Variants in RIC3 observed in about 807,000 individuals in gnomAD.
RIC3 encodes protein RIC-3.
RIC3 carries 28 observed loss-of-function variants against 27.3 expected under a neutral mutation model. That is an observed-to-expected ratio of 1.02 (90% CI 0.76 to 1.41). RIC3 has a LOEUF of 1.41. Ranked by LOEUF, RIC3 falls within the 40% of genes most tolerant of loss-of-function variation. RIC3 has a pLI of 0.00. For synonymous variants in RIC3, 184 were observed against 160.4 expected (o/e 1.15, Z -1.11); for missense variants, 501 against 444.7 (o/e 1.13, Z -1.14).
Position 8,106,077 on chromosome 11 carries a change from T to C in RIC3, c.*4621A>G, listed in dbSNP as rs1417920108. The C allele has an allele frequency of 1.3e-5, 2 of 152,228 alleles. No individual in the cohort carries two copies. The highest frequency in any genetic ancestry group is 2.9e-5 in the Non-Finnish European group (2 of 68,040). The allele number at this position is 152,228 out of a possible 1,614,324, so 9.4% of individuals were successfully genotyped here. A position where few individuals can be genotyped will look rare whatever the true frequency, so the allele number is the denominator to read the frequency against. On this transcript the variant is annotated 3_prime_UTR_variant, in exon 6 of 6. Transcript: ENST00000309737. The stretch of plus-strand genomic sequence containing the variant: ...CAAATTTGCAAAACTGTGCTTTTAT[T>C]GACTTTTTGAATAAACTTTGGTATT...
At chr11:8,120,526 G>A (rs771555034) in intron 5 of RIC3, among the ~76,000 whole-genome samples, 3 of 152,090 alleles carry the variant, frequency 2.0e-5, no homozygotes, top group South Asian at 2.1e-4. Context: ...GGGACCTGTC[G>A]GAGGATGGAG....
At chr11:8,159,854 C>T (rs1221512015) in intron 1 of RIC3, among the ~76,000 whole-genome samples, 2 of 151,800 alleles carry the variant, frequency 1.3e-5, no homozygotes, top group East Asian at 1.9e-4. Context: ...ATTAGCCAGG[C>T]GTGGTGGTGG....
At chr11:8,096,914 C>T in the RIC3 span, 1 of 1,339,912 alleles carries the variant, frequency 7.5e-7, no homozygotes, top group Non-Finnish European at 1.1e-6. Flanking sequence ...AGCTTCTCTG[C>T]TGGCCTCTTA....
intron 1 of RIC3, among the ~76,000 whole-genome samples, chr11:8,166,950 G>A (rs182585062): frequency 5.0e-4 from 76 of 151,798 alleles, no homozygotes; most frequent in Middle Eastern, 3.4e-3. Flanking sequence ...AGGGAGGAAG[G>A]AGAGAGAAAG....
chr11:8,131,106 A>AC (rs1947639518), intron 4 of RIC3, among the ~76,000 whole-genome samples: 1 of 132,922 alleles, frequency 7.5e-6, no homozygotes, highest in African/African-American at 3.2e-5. Flanking sequence ...GCATTCATTC[A>AC]TTCACTCACT....
rs1950464008 is a variant in RIC3 at position 8,154,042 on chromosome 11, C to T, written c.125-13849G>A. Among the ~76,000 whole-genome samples the T allele has an allele frequency of 2.0e-5, 3 of 152,032 alleles. No individual in the cohort carries two copies. In the South Asian group the frequency reaches 6.2e-4, roughly 32 times the overall value. On this transcript the variant is annotated intron_variant, in intron 1 of 5. Transcript: ENST00000309737. ...ACCATGTTTCTTAAAACTGAATAGC[C>T]CAGAATCTATAAAAAGTCAATGATT...
chr11:8,125,884 C>T (rs1356415273), intron 5 of RIC3, among the ~76,000 whole-genome samples: 1 of 152,048 alleles, frequency 6.6e-6, no homozygotes, highest in Non-Finnish European at 1.5e-5. Flanking sequence ...ACTAAAAATA[C>T]AAAAATTATT....
At chr11:8,138,177 G>T in intron 3 of RIC3, 95 bp downstream of exon 3, 2 of 835,752 alleles carry the variant, frequency 2.4e-6, no homozygotes, top group Non-Finnish European at 3.8e-6. Context: ...CAACTTTTGA[G>T]AAATGCTTTT....
chr11:8,163,244 C>T (rs964810236), intron 1 of RIC3, among the ~76,000 whole-genome samples: 1 of 151,576 alleles, frequency 6.6e-6, no homozygotes, highest in African/African-American at 2.4e-5. Context: ...AATTCAATAC[C>T]CCTTCATAAT....
At chr11:8,113,411 T>C (rs1945484750) in intron 5 of RIC3, among the ~76,000 whole-genome samples, 1 of 152,118 alleles carries the variant, frequency 6.6e-6, no homozygotes, top group Non-Finnish European at 1.5e-5. Flanking sequence ...GCCTCCATGC[T>C]GGCCCCTGCA....
At chr11:8,121,679 G>C (rs1321108049) in intron 5 of RIC3, among the ~76,000 whole-genome samples, 1 of 151,820 alleles carries the variant, frequency 6.6e-6, no homozygotes, top group Non-Finnish European at 1.5e-5. Context: ...TCAAGCTACA[G>C]CACTCCAACT....
At chr11:8,100,652 A>T in the RIC3 span, 2 of 1,581,616 alleles carry the variant, frequency 1.3e-6, no homozygotes, top group Non-Finnish European at 1.7e-6. Flanking sequence ...TAGTCTCTGC[A>T]TGAGCTTCTA....
chr11:8,159,742 G>A (rs1394654048), intron 1 of RIC3, among the ~76,000 whole-genome samples: 2 of 152,168 alleles, frequency 1.3e-5, no homozygotes, highest in Admixed American at 6.5e-5. Flanking sequence ...TGTAACTCCA[G>A]CACTCTGGGA....
At chr11:8,094,338 G>A in the RIC3 span, 2 of 1,075,686 alleles carry the variant, frequency 1.9e-6, no homozygotes, top group South Asian at 1.7e-5. Flanking sequence ...CCCCTCAGGT[G>A]GCTCACAGGC....
chr11:8,100,876 C>T, the RIC3 span: 1 of 1,614,172 alleles, frequency 6.2e-7, no homozygotes, highest in Non-Finnish European at 8.5e-7. Flanking sequence ...CGGAGAGTAT[C>T]ATCGAGCTGC....
At chr11:8,105,145 T>C (rs1430310464), downstream of RIC3, 9 of 152,220 alleles carry the variant, frequency 5.9e-5, no homozygotes, top group African/African-American at 2.2e-4. Context: ...ATCTCCTAGA[T>C]GGACTTCCTG....
intron 5 of RIC3, among the ~76,000 whole-genome samples, chr11:8,118,384 G>C (rs1409649996): frequency 2.6e-5 from 4 of 151,594 alleles, no homozygotes; most frequent in Non-Finnish European, 5.9e-5. Context: ...AGGAGATAAA[G>C]GCGTTAACAT....
chr11:8,098,691 C>A, the RIC3 span: 2 of 1,237,156 alleles, frequency 1.6e-6, no homozygotes, highest in Non-Finnish European at 2.4e-6. Flanking sequence ...ATAGGACAGA[C>A]GATGAGCTGT....
At chr11:8,125,148 G>A (rs1338838709) in intron 5 of RIC3, among the ~76,000 whole-genome samples, 1 of 151,964 alleles carries the variant, frequency 6.6e-6, no homozygotes, top group Non-Finnish European at 1.5e-5. Context: ...CAGCTACTAG[G>A]GAGGCTGAGG....
Sources: allele counts gnomAD v4.1 joint callset (sites outside exome capture counted in the v4.1 genomes callset), GRCh38; gene constraint gnomAD v4.1.1; transcripts MANE v1.5; gene names NCBI Gene and HGNC (gene_info 2026-07-23, HGNC 2026-07-21).